BARHL2: variants seen among roughly 807,000 people sequenced by gnomAD.
BARHL2 encodes BarH like homeobox 2.
A neutral mutation model predicts 27.1 loss-of-function variants in BARHL2; 10 were observed. The observed-to-expected ratio is 0.37, with a 90% CI of 0.23 to 0.63. The LOEUF (loss-of-function observed/expected upper bound fraction) is 0.63, where lower values mean the gene tolerates loss of function less well. Ranked by LOEUF, BARHL2 falls within the 20% of genes least tolerant of loss-of-function variation. BARHL2 has a pLI of 0.65. For synonymous variants in BARHL2, 248 were observed against 224.7 expected (o/e 1.10, Z -0.93); for missense variants, 483 against 533.5 (o/e 0.91, Z 0.93).
intron 1 of BARHL2, among the ~76,000 whole-genome samples, chr1:90,715,530 C>G (rs1257624379): frequency 6.6e-6 from 1 of 152,168 alleles, no homozygotes. Flanking sequence ...GAACAATAAT[C>G]TCTCTAATTG....
Position 90,717,301 on chromosome 1 carries a change from C to CT in BARHL2, c.-107dup. The CT allele has an allele frequency of 6.8e-7, 1 of 1,475,268 alleles. No individual in the cohort carries two copies. The highest frequency in any genetic ancestry group is 1.5e-5 in the African/African-American group (1 of 67,308). The allele number at this position is 1,475,268 out of a possible 1,614,324, so 91.4% of individuals were successfully genotyped here. Reference sequence around the variant, plus strand: ...TAAACACCAAACAATGTTGCCGCCGCTTAAAAAAAAAAAAGTGGGGCGGGG... The same window carrying CT: ...TAAACACCAAACAATGTTGCCGCCGCTTTAAAAAAAAAAAAGTGGGGCGGGG... On this transcript the variant is annotated 5_prime_UTR_variant, in exon 1 of 3. Transcript: ENST00000370445.
intron 1 of BARHL2, among the ~76,000 whole-genome samples, chr1:90,715,983 T>G (rs1396195533): frequency 6.6e-6 from 1 of 152,182 alleles, no homozygotes. Context: ...AGAAGGGTGC[T>G]TTTAAGAAAC....
In BARHL2 at chr1:90,714,647, A is replaced by G. The variant is rs1658106454; in HGVS notation, c.735T>C (p.Asn245=). The change falls in exon 2 of 3, where the codon AAT becomes AAC. Residue 245 remains asparagine, a synonymous_variant. Transcript: ENST00000370445. ...GCCGCTCAAAGCTACGCTCCAGTTG[A>G]TTGAGCTGGTGGTCGGAAAAAGCTG... ...ARTAFSDHQL[N]QLERSFERQK... is the part of the protein sequence containing the mutation. 6.2e-7 allele frequency: 1 copy of G among 1,614,000 alleles called. No individual in the cohort carries two copies. Among genetic ancestry groups the G allele is most frequent in the Non-Finnish European group, 8.5e-7 (1 of 1,180,030 alleles).
chr1:90,717,287 C>T lies in BARHL2; in HGVS notation c.-92G>A. On this transcript the variant is annotated 5_prime_UTR_variant, in exon 1 of 3. Coordinates refer to ENST00000370445, the MANE Select transcript of BARHL2 (RefSeq NM_020063.2). ...ATCGTAAAACAAAATAAACACCAAACAATGTTGCCGCCGCTTAAAAAAAAA... is the reference window on the plus strand; with the variant it reads ...ATCGTAAAACAAAATAAACACCAAATAATGTTGCCGCCGCTTAAAAAAAAA... The T allele has an allele frequency of 6.6e-7, 1 of 1,517,682 alleles. No homozygotes were observed. Among genetic ancestry groups the T allele is most frequent in the Non-Finnish European group, 8.7e-7 (1 of 1,147,508 alleles). 94.0% of individuals were successfully genotyped at this position (1,517,682 alleles called of 1,614,324 possible). A position where few individuals can be genotyped will look rare whatever the true frequency, so the allele number is the denominator to read the frequency against.
At chr1:90,712,681 A>T (rs1658061660) in intron 2 of BARHL2, 57 bp from the exon 3 acceptor site, 1 of 1,497,364 alleles carries the variant, frequency 6.7e-7, no homozygotes, top group African/African-American at 1.4e-5. Flanking sequence ...CCAGGCACCA[A>T]GACCCGGCCC....
In BARHL2 at chr1:90,716,672, C is replaced by T. The variant is rs548718153; in HGVS notation, c.524G>A (p.Ser175Asn). 6.2e-7 allele frequency: 1 copy of T among 1,613,528 alleles called. No individual in the cohort carries two copies. Among genetic ancestry groups the T allele is most frequent in the East Asian group, 2.2e-5 (1 of 44,866 alleles). Residue 175 changes from serine (S) to asparagine (N), a missense_variant, in exon 1 of 3, where the codon AGC (serine) becomes AAC (asparagine). By Grantham distance (46) the Ser-to-Asn change is conservative. This residue lies in a region of BARHL2 where 304 missense variants were observed against 284.9 expected (regional missense o/e 1.07). Transcript: ENST00000370445. ...CCTGAAGCTCTCGTGCACTGCGTTG[C>T]TCTCCTGCTTCGGGGTGTGGTGGGG... ...SSPHHTPKQE[S>N]NAVHESFRPK...
intron 2 of BARHL2, among the ~76,000 whole-genome samples, 153 bp downstream of exon 2, chr1:90,714,378 T>C (rs559506576): frequency 6.6e-6 from 1 of 152,228 alleles, no homozygotes; most frequent in Non-Finnish European, 1.5e-5. Context: ...GGGGTGTGGC[T>C]CATCCCTGCC....
intron 1 of BARHL2, among the ~76,000 whole-genome samples, chr1:90,716,172 C>A (rs889759983): frequency 6.6e-5 from 10 of 151,844 alleles, no homozygotes; most frequent in Non-Finnish European, 1.3e-4. Context: ...GTGATCACAC[C>A]CACGCTAGCT....
rs1355981445 is a variant in BARHL2 at position 90,712,196 on chromosome 1, C to G, written c.*116G>C. The G allele has an allele frequency of 2.1e-5, 24 of 1,160,822 alleles. No homozygotes were observed. Among genetic ancestry groups the G allele is most frequent in the Non-Finnish European group, 2.8e-5 (24 of 866,462 alleles). The allele number at this position is 1,160,822 out of a possible 1,614,324, so 71.9% of individuals were successfully genotyped here. A position where few individuals can be genotyped will look rare whatever the true frequency, so the allele number is the denominator to read the frequency against. On this transcript the variant is annotated 3_prime_UTR_variant, in exon 3 of 3. Coordinates refer to ENST00000370445, the MANE Select transcript of BARHL2 (RefSeq NM_020063.2). ...GCATCTTCCTCTCTTACTCCTCTGC[C>G]TTCCAGAGTTGGCTGCAAGGGAGGC...
intron 1 of BARHL2, among the ~76,000 whole-genome samples, chr1:90,716,297 C>G (rs1274309271): frequency 6.6e-6 from 1 of 152,178 alleles, no homozygotes. Flanking sequence ...TGCCCTCCGC[C>G]GCCCCTCAAC....
intron 2 of BARHL2, among the ~76,000 whole-genome samples, chr1:90,713,961 A>C (rs1570607134): frequency 6.6e-6 from 1 of 152,180 alleles, no homozygotes; most frequent in Non-Finnish European, 1.5e-5. Flanking sequence ...TGCGGCTGCC[A>C]AACCTACTCT....
In BARHL2 at chr1:90,717,296, C is replaced by G; in HGVS notation, c.-101G>C. ...CAAAATAAACACCAAACAATGTTGC[C>G]GCCGCTTAAAAAAAAAAAAGTGGGG... On this transcript the variant is annotated 5_prime_UTR_variant, in exon 1 of 3. Coordinates refer to ENST00000370445, the MANE Select transcript of BARHL2 (RefSeq NM_020063.2). 1 of 1,494,852 alleles carries G rather than the reference C, an allele frequency of 6.7e-7. No homozygotes were observed. Among genetic ancestry groups the G allele is most frequent in the Non-Finnish European group, 8.8e-7 (1 of 1,136,696 alleles). The allele number at this position is 1,494,852 out of a possible 1,614,324, so 92.6% of individuals were successfully genotyped here. A position where few individuals can be genotyped will look rare whatever the true frequency, so the allele number is the denominator to read the frequency against.
chr1:90,714,263 G>A (rs1379761721), intron 2 of BARHL2, among the ~76,000 whole-genome samples: 1 of 152,198 alleles, frequency 6.6e-6, no homozygotes, highest in Non-Finnish European at 1.5e-5. Flanking sequence ...TGAAGTGGGG[G>A]GAATTCCAGC....
chr1:90,712,171 G>T lies in BARHL2; in HGVS notation c.*141C>A. On this transcript the variant is annotated 3_prime_UTR_variant, in exon 3 of 3. Coordinates refer to ENST00000370445, the MANE Select transcript of BARHL2 (RefSeq NM_020063.2). ...TTGGGGGTCCCCTGCCCACTGGTAA[G>T]CATCTTCCTCTCTTACTCCTCTGCC... 1 of 926,514 alleles carries T rather than the reference G, an allele frequency of 1.1e-6. No homozygotes were observed. The highest frequency in any genetic ancestry group is 2.7e-5 in the South Asian group (1 of 36,812). 57.4% of individuals were successfully genotyped at this position (926,514 alleles called of 1,614,324 possible).
In BARHL2 at chr1:90,715,711, T is replaced by C. The variant is rs114843704; in HGVS notation, c.625+860A>G. Among the ~76,000 whole-genome samples the C allele has an allele frequency of 8.6e-3, 1,311 of 152,306 alleles. 19 individuals are homozygous for C. The highest frequency in any genetic ancestry group is 0.03 in the African/African-American group (1,239 of 41,558). On this transcript the variant is annotated intron_variant, in intron 1 of 2. Transcript: ENST00000370445. ...GATCAATAATAATAAACAATGTGTC[T>C]GTAAAGGAAGAAAAAGCTCTCCTGG...
chr1:90,713,633 T>G (rs899302379), intron 2 of BARHL2, among the ~76,000 whole-genome samples: 1 of 152,154 alleles, frequency 6.6e-6, no homozygotes, highest in African/African-American at 2.4e-5. Context: ...CCAACCGCAC[T>G]TATGGACGAT....
chr1:90,716,579 T>C lies in BARHL2; in HGVS notation c.617A>G (p.Lys206Arg). The C allele has an allele frequency of 6.2e-7, 1 of 1,614,042 alleles. No individual in the cohort carries two copies. Among genetic ancestry groups the C allele is most frequent in the Non-Finnish European group, 8.5e-7 (1 of 1,180,004 alleles). ...CGGGTGGCGGGACTCACCGTGGCAT[T>C]TGATGTCGCTCTGGGAATCCTCCCG... is the stretch of plus-strand genomic sequence containing the variant. ...DKREDSQSDI[K>R]CHGTKEEGDR... The change falls in exon 1 of 3, where the codon AAA becomes AGA. Residue 206 changes from lysine to arginine, a missense_variant. Lys to Arg is a conservative substitution (Grantham distance 26). Transcript: ENST00000370445.
rs1041397679 is a variant in BARHL2, at chr1:90,716,858, T to C, written c.338A>G (p.Gln113Arg). 4 of 1,558,426 alleles carry C rather than the reference T, an allele frequency of 2.6e-6. 1 individual carries two copies. In the South Asian group the frequency reaches 4.7e-5, roughly 18 times the overall value. Residue 113 changes from glutamine to arginine, a missense_variant, in exon 1 of 3, where the codon CAG becomes CGG. Transcript: ENST00000370445. Reference protein sequence around the residue: ...QSLQPLPQQQQPLPPQQPPPP... With the variant: ...QSLQPLPQQQRPLPPQQPPPP... ...CGGCGGCTGCTGTGGCGGCAGCGGC[T>C]GCTGCTGTTGGGGCAAAGGCTGCAA...
intron 2 of BARHL2, among the ~76,000 whole-genome samples, chr1:90,713,346 CAATT>C (rs1244826248): frequency 6.6e-6 from 1 of 152,148 alleles, no homozygotes; most frequent in Non-Finnish European, 1.5e-5. Flanking sequence ...GATAAAGTAA[CAATT>C]AAAACCTGTG....
Sources: allele counts gnomAD v4.1 joint callset (sites outside exome capture counted in the v4.1 genomes callset), GRCh38; gene constraint gnomAD v4.1.1; regional missense constraint gnomAD v4.1.1; transcripts MANE v1.5; gene names NCBI Gene and HGNC (gene_info 2026-07-23, HGNC 2026-07-21).